Variants in ERBB4 observed in about 807,000 individuals in gnomAD.
ERBB4 encodes the protein erb-b2 receptor tyrosine kinase 4.
A neutral mutation model predicts 158.0 loss-of-function variants in ERBB4; 42 were observed. The ratio of observed to expected loss-of-function variants is 0.27; its 90% CI spans 0.21 to 0.34. The LOEUF (loss-of-function observed/expected upper bound fraction) is 0.34. Ranked by LOEUF, ERBB4 falls within the 10% of genes least tolerant of loss-of-function variation. ERBB4 has a pLI of 1.00. For missense variants in ERBB4, 1,333 were observed against 1,624.1 expected (o/e 0.82, Z 3.08); for synonymous variants, 583 against 558.7 (o/e 1.04, Z -0.61).
At chr2:211,693,907 G>C (rs995746037) in intron 12 of ERBB4, among the ~76,000 whole-genome samples, 4 of 152,000 alleles carry the variant, frequency 2.6e-5, no homozygotes, top group African/African-American at 9.7e-5. Flanking sequence ...TGGCATTCTG[G>C]GCTCACCTCT....
chr2:212,537,897 G>A (rs1230118339), intron 1 of ERBB4, among the ~76,000 whole-genome samples: 1 of 152,178 alleles, frequency 6.6e-6, no homozygotes, highest in Non-Finnish European at 1.5e-5. Context: ...TGCCCGGGCT[G>A]GGCGCGAGTT....
intron 1 of ERBB4, among the ~76,000 whole-genome samples, chr2:212,238,828 A>C (rs1462233438): frequency 6.6e-6 from 1 of 151,848 alleles, no homozygotes; most frequent in East Asian, 1.9e-4. Flanking sequence ...TTTATTTTTC[A>C]GGCTTCCTAT....
In ERBB4 at chr2:211,773,631, T is replaced by TATATATATA. The variant is rs1553630491; in HGVS notation, c.556+14385_556+14393dup. ...ATATATATATATATATATATATATA[T>TATATATATA]ATATATATATATATATAATATATAT... On this transcript the variant is annotated intron_variant, in intron 4 of 27. Transcript: ENST00000342788. Among the ~76,000 whole-genome samples, 109 of 91,226 alleles carry TATATATATA rather than the reference T, an allele frequency of 1.2e-3. 2 individuals carry two copies. The highest frequency in any genetic ancestry group is 5.3e-3 in the Middle Eastern group (1 of 190). The allele number at this position is 91,226 out of a possible 152,430, so 59.8% of individuals were successfully genotyped here.
At chr2:211,566,636 G>C (rs1019764035) in intron 19 of ERBB4, among the ~76,000 whole-genome samples, 1 of 152,030 alleles carries the variant, frequency 6.6e-6, no homozygotes, top group Non-Finnish European at 1.5e-5. Context: ...AGTATTAAGT[G>C]TATTCACAGT....
chr2:212,325,416 G>A (rs946538955), intron 1 of ERBB4, among the ~76,000 whole-genome samples: 7 of 150,500 alleles, frequency 4.7e-5, no homozygotes, highest in Non-Finnish European at 8.9e-5. Flanking sequence ...ATAAAACTGA[G>A]GGAAATGAGA....
rs2073784954 is a variant in ERBB4, at chr2:211,713,521, G to A, written c.997+14C>T. On this transcript the variant is annotated intron_variant, in intron 8 of 27. Transcript: ENST00000342788. ...AGGCCCAGTTCTAACTAAATAATCT[G>A]AGCTACCACTCACCTTTTGGGCAAA... 6 of 1,470,210 alleles carry A rather than the reference G, an allele frequency of 4.1e-6. No individual in the cohort carries two copies. The highest frequency in any genetic ancestry group is 5.7e-6 in the Non-Finnish European group (6 of 1,048,900). 91.1% of individuals were successfully genotyped at this position (1,470,210 alleles called of 1,614,324 possible).
intron 1 of ERBB4, among the ~76,000 whole-genome samples, chr2:212,342,729 T>G (rs1304345666): frequency 6.6e-6 from 1 of 152,214 alleles, no homozygotes; most frequent in Non-Finnish European, 1.5e-5. Flanking sequence ...ACTCCATTTT[T>G]TACAACTTTA....
At chr2:211,400,730 C>T (rs1029996868) in intron 25 of ERBB4, among the ~76,000 whole-genome samples, 15 of 151,354 alleles carry the variant, frequency 9.9e-5, no homozygotes, top group Non-Finnish European at 2.1e-4. Flanking sequence ...AACAGAGTGA[C>T]TATAGTCAAT....
chr2:211,728,733 T>C lies in ERBB4; in HGVS notation c.623-3539A>G, dbSNP rs141966929. On this transcript the variant is annotated intron_variant, in intron 5 of 27. Coordinates refer to ENST00000342788, the MANE Select transcript of ERBB4 (RefSeq NM_005235.3). ...GAAAACAATAGCATGGAGTCAACAA[T>C]CTTATAAGTCACATCATATTTTAAT... Among the ~76,000 whole-genome samples the C allele has an allele frequency of 7.7e-3, 1,169 of 151,986 alleles. 21 individuals carry two copies. The highest frequency in any genetic ancestry group is 0.048 in the Middle Eastern group (14 of 294).
At chr2:211,734,909 C>CAAAAAAAAAAAAA (rs570006497) in intron 5 of ERBB4, among the ~76,000 whole-genome samples, 1 of 69,306 alleles carries the variant, frequency 1.4e-5, no homozygotes, top group Non-Finnish European at 2.6e-5. Context: ...GAGACTCTGT[C>CAAAAAAAAAAAAA]AAAAAAAAAA....
At chr2:211,460,659 C>T (rs968275335) in intron 20 of ERBB4, among the ~76,000 whole-genome samples, 6 of 152,026 alleles carry the variant, frequency 3.9e-5, no homozygotes, top group South Asian at 2.1e-4. Context: ...TTGTGTATTT[C>T]AACTTGCCAT....
intron 1 of ERBB4, among the ~76,000 whole-genome samples, chr2:212,304,211 C>T (rs963751926): frequency 2.0e-5 from 3 of 151,372 alleles, no homozygotes; most frequent in East Asian, 2.0e-4. Flanking sequence ...TCTGTACAAC[C>T]GGTGGTGGTA....
chr2:211,673,526 A>AAAAAAAAAAAAAAAAAAAAAAAAAAAAAC (rs1559403974), intron 13 of ERBB4, among the ~76,000 whole-genome samples: 2 of 149,516 alleles, frequency 1.3e-5, no homozygotes, highest in African/African-American at 2.4e-5. Context: ...TCAAAAAAAA[A>AAAAAAAAAAAAAAAAAAAAAAAAAAAAAC]AAAAGCTACA....
At position 212,345,011 on chromosome 2, in the gene ERBB4, C is replaced by T. The variant is rs570621161; in HGVS notation, c.82+193438G>A. On this transcript the variant is annotated intron_variant, in intron 1 of 27. Coordinates refer to ENST00000342788, the MANE Select transcript of ERBB4 (RefSeq NM_005235.3). ...GCGTGGTGGGTCACGCCTGTAATCC[C>T]AGCACTTTGGGAGGCCGAGATGGGC... is the stretch of plus-strand genomic sequence containing the variant. 5.3e-5 allele frequency among the ~76,000 whole-genome samples: 8 copies of T among 152,074 alleles called. No individual in the cohort carries two copies. In the South Asian group the frequency reaches 1.7e-3, roughly 32 times the overall value.
intron 1 of ERBB4, among the ~76,000 whole-genome samples, chr2:212,129,144 T>C (rs2080031642): frequency 6.6e-6 from 1 of 151,876 alleles, no homozygotes; most frequent in Non-Finnish European, 1.5e-5. Context: ...GCTGCACCAT[T>C]TCTAAAGTAT....
chr2:212,257,030 A>T (rs558352964), intron 1 of ERBB4, among the ~76,000 whole-genome samples: 3 of 152,250 alleles, frequency 2.0e-5, no homozygotes, highest in East Asian at 3.9e-4. Flanking sequence ...GGTAGTAAGC[A>T]TAGTACCCAA....
At chr2:211,719,237 C>T (rs1361994265) in intron 7 of ERBB4, among the ~76,000 whole-genome samples, 3 of 152,152 alleles carry the variant, frequency 2.0e-5, no homozygotes, top group Non-Finnish European at 4.4e-5. Context: ...TGATTCAGAG[C>T]GACTTCTGCA....
chr2:212,439,020 C>T (rs981649108), intron 1 of ERBB4, among the ~76,000 whole-genome samples: 5 of 152,064 alleles, frequency 3.3e-5, no homozygotes, highest in African/African-American at 1.2e-4. Flanking sequence ...ACTGGATGCC[C>T]TTTCAATATT....
At chr2:212,093,841 C>T (rs896693954) in intron 2 of ERBB4, among the ~76,000 whole-genome samples, 16 of 152,020 alleles carry the variant, frequency 1.1e-4, no homozygotes, top group Non-Finnish European at 4.4e-5. Context: ...TTAGGGAAAA[C>T]ATAGATATTT....
Sources: gnomAD v4.1 joint callset for allele counts (sites outside exome capture counted in the v4.1 genomes callset) on GRCh38, gnomAD v4.1.1 for gene constraint, MANE v1.5 for transcripts, NCBI Gene and HGNC (gene_info 2026-07-23, HGNC 2026-07-21) for gene names.